Variants in NRXN3 observed in about 807,000 individuals in gnomAD.
NRXN3 encodes the protein neurexin III.
Under a neutral mutation model 137.6 loss-of-function variants are expected in NRXN3, and 32 were observed. That is an observed-to-expected ratio of 0.23 (90% CI 0.18 to 0.31). The LOEUF (loss-of-function observed/expected upper bound fraction) is 0.31. NRXN3 is among the 10% of genes least tolerant of loss of function. NRXN3 has a pLI of 1.00. For missense variants in NRXN3, 1,574 were observed against 2,062.5 expected (o/e 0.76, Z 4.59); for synonymous variants, 798 against 784.5 (o/e 1.02, Z -0.29).
At chr14:79,232,428 T>A (rs2072409328) in intron 15 of NRXN3, among the ~76,000 whole-genome samples, 1 of 152,262 alleles carries the variant, frequency 6.6e-6, no homozygotes, top group African/African-American at 2.4e-5. Flanking sequence ...AAACAGAACC[T>A]CATTCTTAAA....
chr14:78,974,706 C>T (rs1009823155), intron 14 of NRXN3, among the ~76,000 whole-genome samples: 15 of 151,832 alleles, frequency 9.9e-5, no homozygotes, highest in African/African-American at 3.1e-4. Flanking sequence ...TATTTGGGGC[C>T]GTCTTACTCT....
At chr14:78,465,768 C>A (rs944191741) in intron 4 of NRXN3, among the ~76,000 whole-genome samples, 3 of 151,924 alleles carry the variant, frequency 2.0e-5, no homozygotes, top group Admixed American at 2.0e-4. Context: ...CTCTTGACCT[C>A]GTGATCTGCC....
intron 16 of NRXN3, among the ~76,000 whole-genome samples, chr14:79,605,911 T>TC (rs1315419168): frequency 1.3e-5 from 2 of 152,124 alleles, no homozygotes; most frequent in African/African-American, 4.8e-5. Flanking sequence ...AAATGATGGA[T>TC]CAGTATGTAT....
At chr14:79,354,201 G>A (rs913231798) in intron 15 of NRXN3, among the ~76,000 whole-genome samples, 4 of 152,102 alleles carry the variant, frequency 2.6e-5, no homozygotes, top group African/African-American at 9.7e-5. Flanking sequence ...GTCCCTTTGC[G>A]TGAAATGACT....
chr14:78,536,561 A>G (rs144968454), intron 4 of NRXN3, among the ~76,000 whole-genome samples: 12 of 152,320 alleles, frequency 7.9e-5, no homozygotes, highest in Middle Eastern at 3.4e-3. Context: ...TCTGAGGCTT[A>G]ATATGTAGAT....
At chr14:79,062,297 C>T (rs1243283356) in intron 15 of NRXN3, among the ~76,000 whole-genome samples, 1 of 152,138 alleles carries the variant, frequency 6.6e-6, no homozygotes, top group East Asian at 1.9e-4. Context: ...CACACCTACA[C>T]CCTTTCTTTC....
intron 10 of NRXN3, among the ~76,000 whole-genome samples, chr14:78,929,863 T>G (rs2099316794): frequency 6.6e-6 from 1 of 152,198 alleles, no homozygotes; most frequent in Non-Finnish European, 1.5e-5. Context: ...AAACACTTCA[T>G]TATTTCAATT....
At chr14:78,685,672 G>T (rs1187732959) in intron 6 of NRXN3, among the ~76,000 whole-genome samples, 1 of 127,630 alleles carries the variant, frequency 7.8e-6, no homozygotes. Context: ...CACTCTTGTT[G>T]CCCAGGATGG....
chr14:78,726,571 G>T (rs913583022), intron 8 of NRXN3, among the ~76,000 whole-genome samples: 2 of 134,292 alleles, frequency 1.5e-5, no homozygotes, highest in African/African-American at 5.7e-5. Context: ...AAGCTGAAGT[G>T]CAGTGATGCA....
At chr14:78,524,101 G>C (rs1444632527) in intron 4 of NRXN3, among the ~76,000 whole-genome samples, 1 of 152,156 alleles carries the variant, frequency 6.6e-6, no homozygotes, top group Non-Finnish European at 1.5e-5. Flanking sequence ...CCTCATAAGT[G>C]ATTTTGACAA....
intron 8 of NRXN3, among the ~76,000 whole-genome samples, chr14:78,798,810 C>T (rs534483061): frequency 6.6e-6 from 1 of 152,238 alleles, no homozygotes; most frequent in Non-Finnish European, 1.5e-5. Flanking sequence ...CACATGGAAG[C>T]TGCCAAGGCT....
At chr14:78,625,936 C>T (rs1338105766) in intron 4 of NRXN3, among the ~76,000 whole-genome samples, 2 of 152,182 alleles carry the variant, frequency 1.3e-5, no homozygotes, top group African/African-American at 2.4e-5. Flanking sequence ...CAAGCCTCAA[C>T]TCCCATGTCT....
rs750210049 is a variant in NRXN3, at chr14:78,709,673, G to A, written c.1660+18G>A. 3 of 1,597,274 alleles carry A rather than the reference G, an allele frequency of 1.9e-6. No individual in the cohort carries two copies. The highest frequency in any genetic ancestry group is 1.7e-5 in the Admixed American group (1 of 59,156). The stretch of plus-strand genomic sequence containing the variant: ...CAGATCAGGTAGGAAGAGGCAGGAT[G>A]TGTGACTGAGACTAGACGAAAGCTG... On this transcript the variant is annotated intron_variant, in intron 7 of 20. Coordinates refer to ENST00000335750, the MANE Select transcript of NRXN3 (RefSeq NM_001330195.2).
intron 15 of NRXN3, among the ~76,000 whole-genome samples, chr14:79,428,256 G>A (rs2095688262): frequency 6.6e-6 from 1 of 152,072 alleles, no homozygotes; most frequent in African/African-American, 2.4e-5. Flanking sequence ...AAAATGTAAA[G>A]TCGTCGTATG....
intron 15 of NRXN3, among the ~76,000 whole-genome samples, chr14:79,028,370 T>C (rs890590427): frequency 7.2e-5 from 11 of 152,254 alleles, no homozygotes; most frequent in African/African-American, 2.6e-4. Context: ...TCTTTAAACA[T>C]CTTATCTGCA....
At chr14:79,308,712 A>G (rs545980879) in intron 15 of NRXN3, among the ~76,000 whole-genome samples, 1 of 152,154 alleles carries the variant, frequency 6.6e-6, no homozygotes, top group African/African-American at 2.4e-5. Context: ...GAACAAAATC[A>G]AAAGTGTCTC....
chr14:78,426,679 C>A (rs985835737), intron 4 of NRXN3, among the ~76,000 whole-genome samples: 2 of 152,120 alleles, frequency 1.3e-5, no homozygotes, highest in African/African-American at 2.4e-5. Context: ...TGTCTGGATT[C>A]CTCCCTGGGT....
intron 4 of NRXN3, among the ~76,000 whole-genome samples, chr14:78,347,709 T>C (rs1445154000): frequency 6.6e-6 from 1 of 152,158 alleles, no homozygotes; most frequent in Admixed American, 6.5e-5. Flanking sequence ...GGCCTTAGTC[T>C]CTGTGACGTT....
intron 19 of NRXN3, among the ~76,000 whole-genome samples, chr14:79,772,727 C>G (rs1568198328): frequency 1.3e-5 from 2 of 152,014 alleles, no homozygotes; most frequent in East Asian, 3.9e-4. Flanking sequence ...GCAAGGACTT[C>G]ATGTCTAAAA....
Sources: allele counts gnomAD v4.1 joint callset (sites outside exome capture counted in the v4.1 genomes callset), GRCh38; gene constraint gnomAD v4.1.1; transcripts MANE v1.5; gene names NCBI Gene and HGNC (gene_info 2026-07-23, HGNC 2026-07-21).